PLD4: variants seen among roughly 807,000 people sequenced by gnomAD.
PLD4 encodes the protein 5'-3' exonuclease PLD4.
PLD4 carries 54 observed loss-of-function variants against 52.3 expected under a neutral mutation model. That is an observed-to-expected ratio of 1.03 (90% CI 0.83 to 1.30). The LOEUF is 1.30. Among genes scored for constraint, PLD4 ranks in the 50% most tolerant of loss-of-function variants. PLD4 has a pLI of 0.00. For synonymous variants in PLD4, 264 were observed against 286.5 expected (o/e 0.92, Z 0.79); for missense variants, 731 against 671.1 (o/e 1.09, Z -0.99).
rs1897406563 is a variant in PLD4, at chr14:104,924,908, G to C, written c.-83G>C. On this transcript the variant is annotated 5_prime_UTR_variant, in exon 1 of 11. Coordinates refer to ENST00000392593, the MANE Select transcript of PLD4 (RefSeq NM_138790.5). The surrounding 1 kb of genome is among the most constrained non-coding windows in gnomAD (Gnocchi z 4.4). The stretch of plus-strand genomic sequence containing the variant: ...AAGAGGAGGTTGGTGTGGAGCACAG[G>C]CAGCACCGAGCCTGCCCCGTGAGCT... The C allele has an allele frequency of 1.1e-4, 17 of 152,984 alleles. No individual in the cohort carries two copies. The Admixed American group carries it at 1.1e-3, about 10-fold the overall frequency. The allele number at this position is 152,984 out of a possible 1,614,324, so 9.5% of individuals were successfully genotyped here.
intron 8 of PLD4, 61 bp downstream of exon 8, chr14:104,931,948 C>T: frequency 1.3e-6 from 2 of 1,524,202 alleles, no homozygotes; most frequent in Non-Finnish European, 1.8e-6. Context: ...GGGCACGTCC[C>T]CTCCTGCTGG....
chr14:104,936,681 TCCC>T (rs1191399196), downstream of PLD4: 2 of 152,218 alleles, frequency 1.3e-5, no homozygotes, highest in African/African-American at 4.8e-5. Flanking sequence ...AGCAGCCACC[TCCC>T]CAGGGGGCCA....
intron 3 of PLD4, 25 bp from the exon 4 acceptor site, chr14:104,928,724 G>A (rs769672417): frequency 1.6e-5 from 25 of 1,544,862 alleles, no homozygotes; most frequent in Non-Finnish European, 2.1e-5. Context: ...CACCCATACT[G>A]AGCCCAGTGT....
At chr14:104,929,161 CTCACCAAGGG>C in intron 4 of PLD4, 136 bp from the exon 5 acceptor site, 1 of 1,360,256 alleles carries the variant, frequency 7.4e-7, no homozygotes, top group African/African-American at 1.5e-5. Context: ...CAGTTTGGCT[CTCACCAAGGG>C]TCATCCAGAT....
In PLD4 at chr14:104,926,501, G is replaced by A. The variant is rs550982802; in HGVS notation, c.1-640G>A. 5.2e-4 allele frequency among the ~76,000 whole-genome samples: 79 copies of A among 152,282 alleles called. 1 individual carries two copies. The highest frequency in any genetic ancestry group is 6.2e-4 in the South Asian group (3 of 4,830). ...CCTGCAGCAGAGGACAACCCCCTCTGCCAGCAGTAGGGGTCCCACTCTGCC... is the reference window on the plus strand; with the variant it reads ...CCTGCAGCAGAGGACAACCCCCTCTACCAGCAGTAGGGGTCCCACTCTGCC... On this transcript the variant is annotated intron_variant, in intron 1 of 10. Coordinates refer to ENST00000392593, the MANE Select transcript of PLD4 (RefSeq NM_138790.5).
rs767957768 is a variant in PLD4 at position 104,932,224 on chromosome 14, C to G, written c.1225-35C>G. On this transcript the variant is annotated intron_variant, in intron 9 of 10. Coordinates refer to ENST00000392593, the MANE Select transcript of PLD4 (RefSeq NM_138790.5). The surrounding 1 kb of genome is among the most constrained non-coding windows in gnomAD (Gnocchi z 6.5). Reference sequence around the variant, plus strand: ...GGCGTGGGAAAGGCGGCCCTCCTGCCGCCCTTCCTGACGCGCTGCCTCTGC... The same window carrying G: ...GGCGTGGGAAAGGCGGCCCTCCTGCGGCCCTTCCTGACGCGCTGCCTCTGC... 1 of 1,612,338 alleles carries G rather than the reference C, an allele frequency of 6.2e-7. No homozygotes were observed. Among genetic ancestry groups the G allele is most frequent in the African/African-American group, 1.3e-5 (1 of 74,918 alleles).
intron 4 of PLD4, 75 bp from the exon 5 acceptor site, chr14:104,929,231 AG>A: frequency 6.5e-7 from 1 of 1,547,716 alleles, no homozygotes; most frequent in Non-Finnish European, 8.7e-7. Context: ...CCTCCTGAGG[AG>A]GACATGGGTC....
At position 104,929,185 on chromosome 14, in the gene PLD4, T is replaced by C. The variant is rs1897557202; in HGVS notation, c.469-122T>C. 4.1e-6 allele frequency: 6 copies of C among 1,451,348 alleles called. No individual in the cohort carries two copies. The South Asian group carries it at 6.9e-5, about 17-fold the overall frequency. The allele number at this position is 1,451,348 out of a possible 1,614,324, so 89.9% of individuals were successfully genotyped here. A position where few individuals can be genotyped will look rare whatever the true frequency, so the allele number is the denominator to read the frequency against. On this transcript the variant is annotated intron_variant, in intron 4 of 10. Coordinates refer to ENST00000392593, the MANE Select transcript of PLD4 (RefSeq NM_138790.5). ...TCTCACCAAGGGTCATCCAGATACTTGACCTGACCTTGAGCTGTGGGCAGT... is the reference window on the plus strand; with the variant it reads ...TCTCACCAAGGGTCATCCAGATACTCGACCTGACCTTGAGCTGTGGGCAGT...
downstream of PLD4, chr14:104,933,456 C>A (rs532081100): frequency 8.2e-4 from 125 of 152,844 alleles, no homozygotes; most frequent in Admixed American, 1.2e-3. Flanking sequence ...CGGGCTGCCG[C>A]GCTCCGGAAC....
At position 104,932,076 on chromosome 14, in the gene PLD4, C is replaced by T; in HGVS notation, c.1123C>T (p.Leu375=). 6.2e-7 allele frequency: 1 copy of T among 1,609,686 alleles called. No homozygotes were observed. Among genetic ancestry groups the T allele is most frequent in the Non-Finnish European group, 8.5e-7 (1 of 1,179,056 alleles). The change falls in exon 9 of 11, where the codon CTG becomes TTG. Residue 375 remains leucine, a synonymous_variant. Transcript: ENST00000392593. This position sits in a 1 kb window ranked among gnomAD's most constrained non-coding sequence, Gnocchi z 6.5. ...AAFGKGVRVR[L]LVGCGLNTDP... ...CTTCGGCAAGGGCGTGCGCGTGCGC[C>T]TGCTGGTCGGCTGCGGACTCAACAC...
chr14:104,928,277 C>T (rs140706020), intron 3 of PLD4, among the ~76,000 whole-genome samples: 4,073 of 152,258 alleles, frequency 0.027, 59 homozygotes, highest in Middle Eastern at 0.082. Flanking sequence ...GCACACATCC[C>T]CTGGAAACGG....
At chr14:104,931,960 A>C (rs1595381760) in intron 8 of PLD4, 52 bp from the exon 9 acceptor site, 1 of 1,527,182 alleles carries the variant, frequency 6.5e-7, no homozygotes. Context: ...TCCTGCTGGG[A>C]CCCCTATCGG....
chr14:104,929,011 G>C (rs781075101), intron 4 of PLD4, 79 bp downstream of exon 4: 2 of 1,491,368 alleles, frequency 1.3e-6, no homozygotes, highest in Admixed American at 4.1e-5. Flanking sequence ...CAGGCGTCTC[G>C]GGCACCAGGC....
Position 104,927,895 on chromosome 14 carries a change from G to A in PLD4, c.284+29G>A, listed in dbSNP as rs752275930. The A allele has an allele frequency of 3.3e-6, 5 of 1,520,218 alleles. No homozygotes were observed. In the African/African-American group the frequency reaches 6.8e-5, roughly 21 times the overall value. The allele number at this position is 1,520,218 out of a possible 1,614,324, so 94.2% of individuals were successfully genotyped here. On this transcript the variant is annotated intron_variant, in intron 3 of 10. Transcript: ENST00000392593. ...AGTGAGCCCATGGAGGCCTGCGGGG[G>A]CAGGTCTCAGTTTGGGGCTGCTGCC... is the stretch of plus-strand genomic sequence containing the variant.
At position 104,928,859 on chromosome 14, in the gene PLD4, G is replaced by A. The variant is rs1897544070; in HGVS notation, c.395G>A (p.Ser132Asn). 1 of 1,612,416 alleles carries A rather than the reference G, an allele frequency of 6.2e-7. No homozygotes were observed. Among genetic ancestry groups the A allele is most frequent in the Non-Finnish European group, 8.5e-7 (1 of 1,179,480 alleles). ...WLQLLDTAQE[S>N]VHVASYYWSL... ...CAGCTGCTGGACACTGCCCAGGAGA[G>A]CGTCCACGTGGCTTCATACTACTGG... The change falls in exon 4 of 11, where the codon AGC (serine) becomes AAC (asparagine). Residue 132 changes from serine to asparagine, a missense_variant. Physicochemically the swap from Ser to Asn is conservative, Grantham distance 46. Transcript: ENST00000392593.
At chr14:104,937,046 C>T (rs1897827632), downstream of PLD4, 1 of 152,280 alleles carries the variant, frequency 6.6e-6, no homozygotes, top group Non-Finnish European at 1.5e-5. Flanking sequence ...GTCCCTGCCA[C>T]ACTGTGAACT....
rs1897625383 is a variant in PLD4 at position 104,930,951 on chromosome 14, G to A, written c.918+9G>A. The A allele has an allele frequency of 6.2e-7, 1 of 1,611,802 alleles. No homozygotes were observed. Among genetic ancestry groups the A allele is most frequent in the Admixed American group, 1.7e-5 (1 of 60,002 alleles). ...CCACTGCCTACTTCTCAGTAAGACG[G>A]GTTGAGAAGGAGCCCATCAGAGGCC... On this transcript the variant is annotated intron_variant, in intron 7 of 10. Coordinates refer to ENST00000392593, the MANE Select transcript of PLD4 (RefSeq NM_138790.5).
At chr14:104,933,481 C>G (rs1020257080), downstream of PLD4, 1 of 151,766 alleles carries the variant, frequency 6.6e-6, no homozygotes, top group Admixed American at 6.6e-5. Flanking sequence ...ATTCCCGCCC[C>G]GAGGCTGCCG....
chr14:104,934,828 T>C (rs1897773841), downstream of PLD4: 1 of 152,250 alleles, frequency 6.6e-6, no homozygotes, highest in South Asian at 2.1e-4. Context: ...ATTAGTGACC[T>C]CATACTTCCC....
Sources: allele counts gnomAD v4.1 joint callset (sites outside exome capture counted in the v4.1 genomes callset), GRCh38; gene constraint gnomAD v4.1.1; non-coding constraint Gnocchi (gnomAD v3.1); transcripts MANE v1.5; gene names NCBI Gene and HGNC (gene_info 2026-07-23, HGNC 2026-07-21).